FOXP2: variants seen among roughly 807,000 people sequenced by gnomAD.
FOXP2 encodes forkhead box protein P2.
FOXP2 carries 12 observed loss-of-function variants against 115.8 expected under a neutral mutation model. The ratio of observed to expected loss-of-function variants is 0.10; its 90% CI spans 0.07 to 0.17. The LOEUF is 0.17. Among genes scored for constraint, FOXP2 ranks in the 10% least tolerant of loss-of-function variants. The pLI is 1.00. For synonymous variants in FOXP2, 328 were observed against 297.7 expected (o/e 1.10, Z -1.05); for missense variants, 629 against 843.5 (o/e 0.75, Z 3.15).
chr7:114,159,610 G>T (rs995356649), upstream of FOXP2, among the ~76,000 whole-genome samples: 1 of 152,112 alleles, frequency 6.6e-6, no homozygotes, highest in Non-Finnish European at 1.5e-5. Context: ...GGACACTTCT[G>T]AGAGGGAAAG....
intron 16 of FOXP2, among the ~76,000 whole-genome samples, chr7:114,688,752 C>G (rs1364145603): frequency 2.0e-5 from 3 of 152,078 alleles, no homozygotes; most frequent in Admixed American, 2.0e-4. Flanking sequence ...CAGTGTTTTT[C>G]TTCATTTATT....
chr7:114,315,147 T>C (rs891240819), intron 2 of FOXP2, among the ~76,000 whole-genome samples: 3 of 152,122 alleles, frequency 2.0e-5, no homozygotes, highest in Non-Finnish European at 4.4e-5. Flanking sequence ...TCTGTGAGGG[T>C]TAATTGTTTA....
chr7:114,575,829 T>C (rs1801549648), intron 3 of FOXP2, among the ~76,000 whole-genome samples: 1 of 151,944 alleles, frequency 6.6e-6, no homozygotes, highest in African/African-American at 2.4e-5. Flanking sequence ...TTACTACTTA[T>C]CAGTGTTGAC....
At chr7:114,552,536 T>G (rs945501834) in intron 3 of FOXP2, among the ~76,000 whole-genome samples, 3 of 152,192 alleles carry the variant, frequency 2.0e-5, no homozygotes, top group African/African-American at 7.2e-5. Context: ...ACTTTGATAA[T>G]GAGTTAGTTT....
intron 1 of FOXP2, among the ~76,000 whole-genome samples, chr7:114,199,445 T>C (rs1794002060): frequency 6.6e-6 from 1 of 152,176 alleles, no homozygotes; most frequent in Non-Finnish European, 1.5e-5. Flanking sequence ...ATACCAGATA[T>C]ATTATCTTTA....
chr7:114,631,742 C>A, intron 6 of FOXP2, 37 bp downstream of exon 6: 1 of 1,603,700 alleles, frequency 6.2e-7, no homozygotes, highest in Non-Finnish European at 8.5e-7. Context: ...CATTTCAAAT[C>A]TTGTACTTTC....
intron 2 of FOXP2, among the ~76,000 whole-genome samples, chr7:114,525,039 A>G (rs557092914): frequency 3.2e-4 from 48 of 152,294 alleles, no homozygotes; most frequent in African/African-American, 9.6e-4. Context: ...TTTCTATCCA[A>G]TGGGACATTA....
At position 114,645,129 on chromosome 7, in the gene FOXP2, A is replaced by AATATAT. The variant is rs60674425; in HGVS notation, c.1094+385_1094+390dup. 4.2e-3 allele frequency: 136 copies of AATATAT among 32,650 alleles called. 2 individuals are homozygous for AATATAT. Among genetic ancestry groups the AATATAT allele is most frequent in the Non-Finnish European group, 5.6e-3 (89 of 15,964 alleles). The allele number at this position is 32,650 out of a possible 1,614,324, so 2.0% of individuals were successfully genotyped here. On this transcript the variant is annotated intron_variant, in intron 8 of 16. Coordinates refer to ENST00000350908, the MANE Select transcript of FOXP2 (RefSeq NM_014491.4). ...TAATTAATATTATGTGAGTCATCCT[A>AATATAT]ATATATATATATATATATATATATA...
chr7:114,621,086 G>A (rs995754782), intron 3 of FOXP2, among the ~76,000 whole-genome samples: 1 of 151,926 alleles, frequency 6.6e-6, no homozygotes, highest in Non-Finnish European at 1.5e-5. Context: ...ATATTATGCT[G>A]AAATTTGGGG....
chr7:114,320,285 T>C (rs900961958), intron 2 of FOXP2, among the ~76,000 whole-genome samples: 2 of 152,196 alleles, frequency 1.3e-5, no homozygotes, highest in Non-Finnish European at 2.9e-5. Context: ...GCCTCAGTTT[T>C]CTCTTTATCA....
intron 2 of FOXP2, among the ~76,000 whole-genome samples, chr7:114,429,918 T>G (rs906090225): frequency 5.3e-5 from 8 of 151,708 alleles, no homozygotes; most frequent in Non-Finnish European, 8.9e-5. Flanking sequence ...TTATCTGTAC[T>G]TTTTATAATT....
intron 2 of FOXP2, among the ~76,000 whole-genome samples, chr7:114,321,202 T>C (rs1393397970): frequency 6.6e-6 from 1 of 150,892 alleles, no homozygotes; most frequent in Non-Finnish European, 1.5e-5. Flanking sequence ...TTTATTTATT[T>C]ATTTATTTAT....
chr7:114,654,474 T>C (rs192735259), intron 10 of FOXP2, among the ~76,000 whole-genome samples: 1 of 152,338 alleles, frequency 6.6e-6, no homozygotes, highest in Admixed American at 6.5e-5. Context: ...TAGCCAATTT[T>C]GTCCTATTTC....
At chr7:114,269,570 C>T (rs919253506) in intron 1 of FOXP2, among the ~76,000 whole-genome samples, 3 of 152,048 alleles carry the variant, frequency 2.0e-5, no homozygotes, top group Admixed American at 6.6e-5. Context: ...TGATTAGAAG[C>T]GTGAGCCACT....
intron 1 of FOXP2, among the ~76,000 whole-genome samples, chr7:114,166,765 C>T (rs1171659963): frequency 6.6e-6 from 1 of 151,984 alleles, no homozygotes; most frequent in Non-Finnish European, 1.5e-5. Flanking sequence ...TGGACAAGAG[C>T]TCTAAACATA....
intron 1 of FOXP2, among the ~76,000 whole-genome samples, chr7:114,193,482 G>A (rs1793819746): frequency 1.3e-5 from 2 of 151,548 alleles, no homozygotes; most frequent in Admixed American, 1.3e-4. Context: ...TATTTTATCT[G>A]TGTGTGATAT....
intron 3 of FOXP2, among the ~76,000 whole-genome samples, chr7:114,588,980 C>T (rs1802298896): frequency 6.6e-6 from 1 of 152,078 alleles, no homozygotes; most frequent in Admixed American, 6.5e-5. Context: ...CTATTAAGTT[C>T]TTCTGGTGGT....
chr7:114,642,813 T>TATATA (rs1491281422), intron 7 of FOXP2, among the ~76,000 whole-genome samples, 190 bp downstream of exon 7: 32 of 58,450 alleles, frequency 5.5e-4, no homozygotes, highest in African/African-American at 2.8e-3. Context: ...TATATATATA[T>TATATA]TTTTTTTTTT....
intron 2 of FOXP2, among the ~76,000 whole-genome samples, chr7:114,299,323 C>CT (rs914636523): frequency 6.6e-6 from 1 of 151,914 alleles, no homozygotes; most frequent in Admixed American, 6.6e-5. Context: ...CCTTTCTTCT[C>CT]TTTTTTCTTT....
Sources: allele counts gnomAD v4.1 joint callset (sites outside exome capture counted in the v4.1 genomes callset), GRCh38; gene constraint gnomAD v4.1.1; transcripts MANE v1.5; gene names NCBI Gene and HGNC (gene_info 2026-07-23, HGNC 2026-07-21).